CNOT1: variants seen among roughly 807,000 people sequenced by gnomAD.
CNOT1 encodes the protein CCR4-associated factor 1.
In CNOT1, 15 loss-of-function variants were observed where a neutral mutation model predicts 273.8. The observed-to-expected ratio is 0.05, with a 90% confidence interval of 0.04 to 0.08. CNOT1 has a LOEUF of 0.08. CNOT1 is among the 10% of genes least tolerant of loss of function. The probability of loss-of-function intolerance (pLI) is 1.00; values close to 1 mark genes in which losing one functional copy is unlikely to be tolerated. For synonymous variants in CNOT1, 1,022 were observed against 1,005.5 expected (o/e 1.02, Z -0.31); for missense variants, 1,644 against 2,912.2 (o/e 0.56, Z 10.02).
chr16:58,546,938 A>C (rs1351582293), intron 27 of CNOT1, among the ~76,000 whole-genome samples, 189 bp from the exon 28 acceptor site: 1 of 152,178 alleles, frequency 6.6e-6, no homozygotes, highest in Non-Finnish European at 1.5e-5. Flanking sequence ...CCATAACAAA[A>C]CCCCTAGCCT....
chr16:58,577,589 G>A (rs546269002), intron 13 of CNOT1, among the ~76,000 whole-genome samples: 14 of 152,266 alleles, frequency 9.2e-5, no homozygotes, highest in Admixed American at 5.2e-4. Context: ...AAGGGCACTC[G>A]GGGTAAAGGG....
chr16:58,533,537 G>A (rs1455591308), intron 40 of CNOT1, among the ~76,000 whole-genome samples: 1 of 152,232 alleles, frequency 6.6e-6, no homozygotes. Flanking sequence ...TCGGGAGGCT[G>A]AGGCAGGAGA....
chr16:58,583,563 G>A (rs1447854594), intron 8 of CNOT1, among the ~76,000 whole-genome samples: 1 of 152,154 alleles, frequency 6.6e-6, no homozygotes, highest in East Asian at 1.9e-4. Flanking sequence ...AGCAGGAGGT[G>A]AGCAAGTATT....
chr16:58,551,374 T>C lies in CNOT1; in HGVS notation c.3202-102A>G, dbSNP rs768397013. ...ATTTAGTGTTAAAAAATACACATGGTATGACTGTGTATTAGAAATGTAGGC... is the reference window on the plus strand; with the variant it reads ...ATTTAGTGTTAAAAAATACACATGGCATGACTGTGTATTAGAAATGTAGGC... On this transcript the variant is annotated intron_variant, in intron 23 of 48. Coordinates refer to ENST00000317147, the MANE Select transcript of CNOT1 (RefSeq NM_016284.5). 251 of 1,279,048 alleles carry C rather than the reference T, an allele frequency of 2.0e-4. 1 individual carries two copies. The highest frequency in any genetic ancestry group is 6.3e-4 in the Admixed American group (27 of 42,830). 79.2% of individuals were successfully genotyped at this position (1,279,048 alleles called of 1,614,324 possible). A position where few individuals can be genotyped will look rare whatever the true frequency, so the allele number is the denominator to read the frequency against.
At chr16:58,562,720 G>A (rs1399928886) in intron 16 of CNOT1, among the ~76,000 whole-genome samples, 1 of 152,100 alleles carries the variant, frequency 6.6e-6, no homozygotes, top group African/African-American at 2.4e-5. Context: ...CTACTCGGGA[G>A]GCTGAGGCAG....
intron 22 of CNOT1, among the ~76,000 whole-genome samples, 181 bp downstream of exon 22, chr16:58,553,601 T>C: frequency 6.6e-6 from 1 of 152,218 alleles, no homozygotes; most frequent in East Asian, 1.9e-4. Flanking sequence ...TGATTATTTT[T>C]TCATGTTCTC....
Position 58,520,954 on chromosome 16 carries a change from T to C in CNOT1, c.*4A>G, listed in dbSNP as rs2151884740. ...TGACACGTACAACAGAGATGCAGTT[T>C]CGTCTAACTGGCACCTGTCCCTTCC... On this transcript the variant is annotated 3_prime_UTR_variant, in exon 49 of 49. Coordinates refer to ENST00000317147, the MANE Select transcript of CNOT1 (RefSeq NM_016284.5). 1 of 1,613,046 alleles carries C rather than the reference T, an allele frequency of 6.2e-7. No homozygotes were observed. The highest frequency in any genetic ancestry group is 8.5e-7 in the Non-Finnish European group (1 of 1,179,990).
Position 58,523,305 on chromosome 16 carries a change from G to GAA in CNOT1, c.6917+63_6917+64dup, listed in dbSNP as rs71155275. 4.0e-3 allele frequency: 5,370 copies of GAA among 1,330,768 alleles called. 2 individuals carry two copies. The highest frequency in any genetic ancestry group is 0.013 in the East Asian group (456 of 36,264). 82.4% of individuals were successfully genotyped at this position (1,330,768 alleles called of 1,614,324 possible). ...CACTGAACACTGAAAGCATAAAGAG[G>GAA]AAAAAAAAAAGATGAAAGGGAGGAG... On this transcript the variant is annotated intron_variant, in intron 47 of 48. Coordinates refer to ENST00000317147, the MANE Select transcript of CNOT1 (RefSeq NM_016284.5).
intron 1 of CNOT1, among the ~76,000 whole-genome samples, chr16:58,603,526 G>A (rs904115101): frequency 6.6e-6 from 1 of 151,322 alleles, no homozygotes; most frequent in Non-Finnish European, 1.5e-5. Flanking sequence ...GAAAGAAGCC[G>A]AAGTCTTTAA....
intron 44 of CNOT1, among the ~76,000 whole-genome samples, chr16:58,526,930 C>G (rs1177693293): frequency 6.6e-6 from 1 of 152,000 alleles, no homozygotes; most frequent in African/African-American, 2.4e-5. Context: ...ACTCTGGAGG[C>G]TGAGGCAGGA....
At chr16:58,556,038 A>G in intron 19 of CNOT1, 130 bp from the exon 20 acceptor site, 1 of 1,462,090 alleles carries the variant, frequency 6.8e-7, no homozygotes, top group Non-Finnish European at 9.0e-7. Flanking sequence ...AAAGGTATTA[A>G]GCGGTCAAGT....
At chr16:58,532,605 A>T in intron 40 of CNOT1, 1 of 790,220 alleles carries the variant, frequency 1.3e-6, no homozygotes, top group Non-Finnish European at 1.9e-6. Flanking sequence ...TTGCATTTCA[A>T]CATCCTTGGA....
intron 29 of CNOT1, 135 bp from the exon 30 acceptor site, chr16:58,545,626 T>G: frequency 7.0e-7 from 1 of 1,431,126 alleles, no homozygotes; most frequent in Non-Finnish European, 9.3e-7. Flanking sequence ...ATGTAGCAGG[T>G]CCTATTTTTC....
At chr16:58,528,842 A>AC (rs1473784651) in intron 43 of CNOT1, among the ~76,000 whole-genome samples, 194 bp from the exon 44 acceptor site, 2 of 152,022 alleles carry the variant, frequency 1.3e-5, no homozygotes, top group African/African-American at 4.8e-5. Flanking sequence ...ATCATGAAAA[A>AC]CTAGGCATCA....
intron 16 of CNOT1, among the ~76,000 whole-genome samples, chr16:58,570,468 A>T (rs1374282877): frequency 1.3e-5 from 2 of 152,132 alleles, no homozygotes; most frequent in African/African-American, 4.8e-5. Context: ...TGAGAACCTC[A>T]ACTTTACAAA....
At chr16:58,619,234 A>G (rs745694891) in intron 1 of CNOT1, among the ~76,000 whole-genome samples, 6 of 152,026 alleles carry the variant, frequency 3.9e-5, no homozygotes, top group Non-Finnish European at 7.4e-5. Context: ...TCTTGAAGCT[A>G]TTTTATTTTA....
intron 43 of CNOT1, 93 bp downstream of exon 43, chr16:58,530,153 G>C: frequency 1.0e-6 from 1 of 971,690 alleles, no homozygotes; most frequent in East Asian, 2.6e-5. Flanking sequence ...TGCCTCAAAG[G>C]CTTAATAAAA....
intron 1 of CNOT1, among the ~76,000 whole-genome samples, chr16:58,626,286 T>G (rs1424547860): frequency 6.6e-6 from 1 of 150,994 alleles, no homozygotes; most frequent in Non-Finnish European, 1.5e-5. Flanking sequence ...CAGGCACCTG[T>G]AATCCAGCTA....
At chr16:58,593,763 T>C (rs958614494) in intron 2 of CNOT1, among the ~76,000 whole-genome samples, 15 of 152,108 alleles carry the variant, frequency 9.9e-5, no homozygotes, top group African/African-American at 3.6e-4. Flanking sequence ...TAAACAAATG[T>C]TGATAGCAAC....
Sources: gnomAD v4.1 joint callset for allele counts (sites outside exome capture counted in the v4.1 genomes callset) on GRCh38, gnomAD v4.1.1 for gene constraint, MANE v1.5 for transcripts, NCBI Gene and HGNC (gene_info 2026-07-23, HGNC 2026-07-21) for gene names.